The following MLLT10 variants were observed in gnomAD, a reference collection of about 807,000 sequenced individuals.
MLLT10 encodes the protein protein AF-10.
In MLLT10, 30 loss-of-function variants were observed where a neutral mutation model predicts 129.1. The ratio of observed to expected loss-of-function variants is 0.23; its 90% confidence interval spans 0.17 to 0.32. The LOEUF (loss-of-function observed/expected upper bound fraction) is 0.32. Among genes scored for constraint, MLLT10 ranks in the 10% least tolerant of loss-of-function variants. The pLI is 1.00. For missense variants in MLLT10, 1,119 were observed against 1,268.3 expected, an observed-to-expected ratio of 0.88 and a Z score of 1.79; for synonymous variants, 490 against 446.4, an observed-to-expected ratio of 1.10 and a Z score of -1.23.
intron 3 of MLLT10, among the ~76,000 whole-genome samples, chr10:21,552,215 C>T (rs1241566063): frequency 1.3e-5 from 2 of 151,818 alleles, no homozygotes; most frequent in African/African-American, 4.8e-5. Flanking sequence ...CGTGAGCTAC[C>T]CTGCCTGGTT....
At chr10:21,573,155 A>G (rs1192126092) in intron 3 of MLLT10, among the ~76,000 whole-genome samples, 1 of 151,992 alleles carries the variant, frequency 6.6e-6, no homozygotes, top group East Asian at 1.9e-4. Flanking sequence ...CTTTTTTCCC[A>G]TTTGTAATTC....
At chr10:21,536,381 A>G (rs2034005036) in intron 2 of MLLT10, among the ~76,000 whole-genome samples, 1 of 152,162 alleles carries the variant, frequency 6.6e-6, no homozygotes, top group Non-Finnish European at 1.5e-5. Context: ...TATGAATTGG[A>G]ATTTCTTATG....
chr10:21,646,728 A>G (rs1302499644), intron 8 of MLLT10, among the ~76,000 whole-genome samples: 4 of 152,200 alleles, frequency 2.6e-5, no homozygotes. Context: ...AGCAGTGAAG[A>G]TAATACTTGT....
intron 14 of MLLT10, among the ~76,000 whole-genome samples, chr10:21,719,218 T>C (rs1334980215): frequency 2.0e-5 from 3 of 152,230 alleles, no homozygotes; most frequent in East Asian, 3.9e-4. Context: ...TTAATTCTGC[T>C]TGAGAAAATG....
chr10:21,562,047 C>G (rs754035225), intron 3 of MLLT10, among the ~76,000 whole-genome samples: 5 of 152,138 alleles, frequency 3.3e-5, no homozygotes, highest in African/African-American at 1.2e-4. Context: ...CTTGGTTGAT[C>G]TGCCCGCCTC....
At chr10:21,576,991 C>G (rs139089449) in intron 3 of MLLT10, among the ~76,000 whole-genome samples, 1 of 152,148 alleles carries the variant, frequency 6.6e-6, no homozygotes, top group Non-Finnish European at 1.5e-5. Context: ...CACTTGTATC[C>G]CCTCAAGAAG....
At chr10:21,592,982 A>G (rs2042658509) in intron 4 of MLLT10, among the ~76,000 whole-genome samples, 1 of 151,910 alleles carries the variant, frequency 6.6e-6, no homozygotes, top group Non-Finnish European at 1.5e-5. Context: ...CATGTGTCTT[A>G]TTCCATTTTT....
intron 3 of MLLT10, among the ~76,000 whole-genome samples, chr10:21,572,211 A>G (rs1033194828): frequency 6.6e-6 from 1 of 152,198 alleles, no homozygotes; most frequent in Non-Finnish European, 1.5e-5. Context: ...ACATGGCTGC[A>G]TAAGTGGGAT....
chr10:21,699,140 G>T (rs1487768446), intron 13 of MLLT10, among the ~76,000 whole-genome samples: 1 of 152,092 alleles, frequency 6.6e-6, no homozygotes, highest in African/African-American at 2.4e-5. Flanking sequence ...CTCCCAAAGT[G>T]CTGGGATTAC....
chr10:21,539,989 T>C (rs1173146297), intron 3 of MLLT10, among the ~76,000 whole-genome samples: 1 of 151,524 alleles, frequency 6.6e-6, no homozygotes, highest in Non-Finnish European at 1.5e-5. Context: ...GTGCAGTGAC[T>C]CACACCTGTA....
intron 9 of MLLT10, among the ~76,000 whole-genome samples, chr10:21,667,087 T>C (rs755921531): frequency 1.2e-4 from 18 of 152,176 alleles, no homozygotes; most frequent in Non-Finnish European, 2.5e-4. Flanking sequence ...AGATATTTTA[T>C]AATAGCTGCC....
chr10:21,539,680 A>T (rs1440712547), intron 3 of MLLT10, among the ~76,000 whole-genome samples: 2 of 152,250 alleles, frequency 1.3e-5, no homozygotes, highest in Non-Finnish European at 2.9e-5. Context: ...GAAGCAGGAG[A>T]ATTACTTGAA....
chr10:21,733,115 C>A, intron 18 of MLLT10, 28 bp downstream of exon 18: 2 of 1,559,560 alleles, frequency 1.3e-6, no homozygotes, highest in Admixed American at 2.0e-5. Context: ...TATTTTGTAT[C>A]TAAGGAAAAT....
intron 9 of MLLT10, among the ~76,000 whole-genome samples, chr10:21,657,821 T>C (rs2049766226): frequency 6.6e-6 from 1 of 152,210 alleles, no homozygotes; most frequent in African/African-American, 2.4e-5. Flanking sequence ...AATTTTGTAC[T>C]GATTTTTAAG....
intron 21 of MLLT10, chr10:21,738,343 A>T: frequency 1.7e-6 from 2 of 1,179,992 alleles, no homozygotes; most frequent in Non-Finnish European, 2.2e-6. Flanking sequence ...TCTTAATATG[A>T]GCACTAAAAC....
chr10:21,597,894 C>T (rs371586093), intron 5 of MLLT10, among the ~76,000 whole-genome samples: 1 of 152,140 alleles, frequency 6.6e-6, no homozygotes, highest in Non-Finnish European at 1.5e-5. Flanking sequence ...TACATAATTT[C>T]AGTTTTTCCT....
chr10:21,581,639 A>G (rs999513356), intron 3 of MLLT10, among the ~76,000 whole-genome samples: 1 of 152,144 alleles, frequency 6.6e-6, no homozygotes, highest in African/African-American at 2.4e-5. Flanking sequence ...TCCTGTTCTC[A>G]TGATAGCGAG....
At chr10:21,638,266 G>GA (rs2047647441) in intron 8 of MLLT10, among the ~76,000 whole-genome samples, 1 of 107,334 alleles carries the variant, frequency 9.3e-6, no homozygotes, top group African/African-American at 3.6e-5. Context: ...GTGGGGGGAG[G>GA]GGGGCGGGGG....
intron 2 of MLLT10, among the ~76,000 whole-genome samples, chr10:21,535,414 G>A (rs2033778859): frequency 6.6e-6 from 1 of 152,182 alleles, no homozygotes; most frequent in South Asian, 2.1e-4. Flanking sequence ...CTGCGGAGGA[G>A]ATGGCGGAGT....
Sources: allele counts gnomAD v4.1 joint callset (sites outside exome capture counted in the v4.1 genomes callset), GRCh38; gene constraint gnomAD v4.1.1; transcripts MANE v1.5; gene names NCBI Gene and HGNC (gene_info 2026-07-23, HGNC 2026-07-21).